The following ADARB2 variants were observed in gnomAD, a reference collection of about 807,000 sequenced individuals.
The protein encoded by ADARB2 is adenosine deaminase RNA specific B2 (inactive), also known as inactive double-stranded RNA-specific editase B2.
ADARB2 carries 25 observed loss-of-function variants against 62.2 expected under a neutral mutation model. The observed-to-expected ratio is 0.40, with a 90% CI of 0.29 to 0.56. The LOEUF is 0.56. Ranked by LOEUF, ADARB2 falls within the 20% of genes least tolerant of loss-of-function variation. The probability of loss-of-function intolerance (pLI) is 0.43; values close to 1 mark genes in which losing one functional copy is unlikely to be tolerated. For missense variants in ADARB2, 1,071 were observed against 1,077.4 expected (o/e 0.99, Z 0.08); for synonymous variants, 572 against 500.8 (o/e 1.14, Z -1.90).
At chr10:1,349,873 C>T (rs750732940) in intron 3 of ADARB2, among the ~76,000 whole-genome samples, 4 of 152,206 alleles carry the variant, frequency 2.6e-5, no homozygotes, top group East Asian at 1.9e-4. Context: ...CATTCACCCA[C>T]GTTCCCTTGG....
chr10:1,709,327 C>T (rs1015443959), intron 1 of ADARB2, among the ~76,000 whole-genome samples: 1 of 152,198 alleles, frequency 6.6e-6, no homozygotes, highest in Admixed American at 6.5e-5. Flanking sequence ...GTTGTTTAGT[C>T]TTGTAAAACT....
At chr10:1,210,640 A>ATTCTGACAAATG (rs1186554843) in intron 7 of ADARB2, among the ~76,000 whole-genome samples, 4 of 152,238 alleles carry the variant, frequency 2.6e-5, no homozygotes, top group African/African-American at 9.6e-5. Context: ...ATCACGTCGC[A>ATTCTGACAAATG]GCGATTCCTA....
At chr10:1,649,063 G>C (rs1485374213) in intron 1 of ADARB2, among the ~76,000 whole-genome samples, 1 of 152,222 alleles carries the variant, frequency 6.6e-6, no homozygotes, top group African/African-American at 2.4e-5. Context: ...GGATGCTCCG[G>C]TGAAGCTCAG....
intron 1 of ADARB2, among the ~76,000 whole-genome samples, chr10:1,498,947 C>G (rs1476297547): frequency 6.6e-6 from 1 of 152,006 alleles, no homozygotes; most frequent in Non-Finnish European, 1.5e-5. Context: ...TCACTCATTA[C>G]TCATTTATTA....
intron 2 of ADARB2, among the ~76,000 whole-genome samples, chr10:1,371,221 T>C (rs1251220831): frequency 1.3e-5 from 2 of 152,212 alleles, no homozygotes; most frequent in African/African-American, 2.4e-5. Context: ...TAAATGGTGC[T>C]GGGAAATTGG....
rs1327142606 is a variant in ADARB2, at chr10:1,477,088, C to T, written c.101-97928G>A. ...GAGCACCTTCACAGCCACGCAAGGGCACCCTCCCACTGCGCAGCACTGCCT... is the reference window on the plus strand; with the variant it reads ...GAGCACCTTCACAGCCACGCAAGGGTACCCTCCCACTGCGCAGCACTGCCT... On this transcript the variant is annotated intron_variant, in intron 1 of 9. Coordinates refer to ENST00000381312, the MANE Select transcript of ADARB2 (RefSeq NM_018702.4). The surrounding 1 kb of genome is among the most constrained non-coding windows in gnomAD (Gnocchi z 4.5). Among the ~76,000 whole-genome samples the T allele has an allele frequency of 6.6e-6, 1 of 152,136 alleles. No homozygotes were observed. Among genetic ancestry groups the T allele is most frequent in the Non-Finnish European group, 1.5e-5 (1 of 68,008 alleles).
intron 3 of ADARB2, among the ~76,000 whole-genome samples, chr10:1,331,897 A>G (rs1188204434): frequency 6.6e-6 from 1 of 152,150 alleles, no homozygotes; most frequent in Non-Finnish European, 1.5e-5. Flanking sequence ...AATTATTCAG[A>G]GAGCTTTTAG....
rs188839802 is a variant in ADARB2, at chr10:1,411,776, G to T, written c.101-32616C>A. Among the ~76,000 whole-genome samples the T allele has an allele frequency of 2.0e-5, 3 of 152,288 alleles. 1 individual carries two copies. In the South Asian group the frequency reaches 6.2e-4, roughly 32 times the overall value. ...AACGCCATTTACGAAGGTCGTAGAC[G>T]CAAGTGCCTGACCTACAGCAAGTGC... is the stretch of plus-strand genomic sequence containing the variant. On this transcript the variant is annotated intron_variant, in intron 1 of 9. Transcript: ENST00000381312.
Position 1,213,483 on chromosome 10 carries a change from G to A in ADARB2, c.1682+3468C>T, listed in dbSNP as rs370217722. Among the ~76,000 whole-genome samples the A allele has an allele frequency of 3.9e-4, 59 of 152,290 alleles. 1 individual carries two copies. The East Asian group carries it at 5.4e-3, about 14-fold the overall frequency. ...GCTAGGGGCATTTCAAGCCTTGCCT[G>A]TGCCCCCACACCTGGGCACCCCCCT... On this transcript the variant is annotated intron_variant, in intron 7 of 9. Transcript: ENST00000381312.
chr10:1,229,903 C>T (rs1830788223), intron 6 of ADARB2, among the ~76,000 whole-genome samples: 1 of 151,970 alleles, frequency 6.6e-6, no homozygotes, highest in Admixed American at 6.6e-5. Flanking sequence ...AAGTCTGGCA[C>T]AGTTGAGAGA....
At chr10:1,492,341 G>C (rs530101014) in intron 1 of ADARB2, among the ~76,000 whole-genome samples, 22 of 152,278 alleles carry the variant, frequency 1.4e-4, no homozygotes, top group African/African-American at 5.1e-4. Flanking sequence ...GTCCTAGCTC[G>C]TTAAGAGGAG....
chr10:1,327,765 T>TCACAGCTCAGCGCCTCCC (rs1206596980), intron 3 of ADARB2, among the ~76,000 whole-genome samples: 1 of 113,620 alleles, frequency 8.8e-6, no homozygotes, highest in East Asian at 2.5e-4. Flanking sequence ...CAGCGCCTCC[T>TCACAGCTCAGCGCCTCCC]CACAGCTCAG....
chr10:1,451,747 GTATGAGGAGGAAGTACACCCA>G lies in ADARB2; in HGVS notation c.101-72608_101-72588del, dbSNP rs879575785. Among the ~76,000 whole-genome samples the G allele has an allele frequency of 7.3e-5, 11 of 151,720 alleles. 1 individual carries two copies. The South Asian group carries it at 1.5e-3, about 20-fold the overall frequency. On this transcript the variant is annotated intron_variant, in intron 1 of 9. Coordinates refer to ENST00000381312, the MANE Select transcript of ADARB2 (RefSeq NM_018702.4). ...ACCCATATGAGGAGGAAGTATACCC[GTATGAGGAGGAAGTACACCCA>G]TATGAGGAGGAAGTACACCGAACAT...
At chr10:1,713,304 C>T (rs1834975939) in intron 1 of ADARB2, among the ~76,000 whole-genome samples, 1 of 152,182 alleles carries the variant, frequency 6.6e-6, no homozygotes, top group Non-Finnish European at 1.5e-5. Context: ...TCTCTCTTCC[C>T]CGGACCGGCA....
chr10:1,441,844 T>C (rs1462921536), intron 1 of ADARB2, among the ~76,000 whole-genome samples: 2 of 152,226 alleles, frequency 1.3e-5, no homozygotes, highest in Non-Finnish European at 2.9e-5. Flanking sequence ...ATTAAGAAAC[T>C]TGTGCTAATT....
chr10:1,317,818 GC>G (rs1589190559), intron 3 of ADARB2, among the ~76,000 whole-genome samples: 1 of 152,232 alleles, frequency 6.6e-6, no homozygotes, highest in East Asian at 1.9e-4. Context: ...TCCATTGGGG[GC>G]CCAGCTTGTA....
At chr10:1,603,988 A>C (rs553040847) in intron 1 of ADARB2, among the ~76,000 whole-genome samples, 1 of 152,160 alleles carries the variant, frequency 6.6e-6, no homozygotes, top group Admixed American at 6.5e-5. Flanking sequence ...TATTTTTAGT[A>C]AAGATGGGGT....
chr10:1,717,035 CATTATTCTGATCACAA>C (rs1835027185), intron 1 of ADARB2, among the ~76,000 whole-genome samples: 1 of 151,486 alleles, frequency 6.6e-6, no homozygotes, highest in Non-Finnish European at 1.5e-5. Context: ...ATTCTGATCA[CATTATTCTGATCACAA>C]GTTATTCTGA....
chr10:1,333,248 A>G (rs1831945369), intron 3 of ADARB2, among the ~76,000 whole-genome samples: 1 of 152,176 alleles, frequency 6.6e-6, no homozygotes, highest in African/African-American at 2.4e-5. Flanking sequence ...CTGATGTTAC[A>G]CAATCTTTAG....
Sources: gnomAD v4.1 joint callset for allele counts (sites outside exome capture counted in the v4.1 genomes callset) on GRCh38, gnomAD v4.1.1 for gene constraint, Gnocchi (gnomAD v3.1) non-coding constraint, MANE v1.5 for transcripts, NCBI Gene and HGNC (gene_info 2026-07-23, HGNC 2026-07-21) for gene names.